The following OTC variants were observed in gnomAD, a reference collection of about 807,000 sequenced individuals.
OTC encodes the protein ornithine transcarbamylase, mitochondrial.
Under a neutral mutation model 30.3 loss-of-function variants are expected in OTC, and 3 were observed. That is an observed-to-expected ratio of 0.10 (90% CI 0.05 to 0.26). The LOEUF (loss-of-function observed/expected upper bound fraction) is 0.26, where lower values mean the gene tolerates loss of function less well. Ranked by LOEUF, OTC falls within the 10% of genes least tolerant of loss-of-function variation. OTC has a pLI of 1.00. For synonymous variants in OTC, 111 were observed against 99.7 expected, an observed-to-expected ratio of 1.11 and a Z score of -0.67; for missense variants, 194 against 260.3, an observed-to-expected ratio of 0.75 and a Z score of 1.75.
intron 9 of OTC, among the ~76,000 whole-genome samples, chrX:38,416,659 A>G (rs2068572261): frequency 8.9e-6 from 1 of 112,378 alleles, no homozygotes; most frequent in East Asian, 2.8e-4. Context: ...TTTTGGATAA[A>G]CAATGAATAA....
At chrX:38,417,888 T>C (rs1473073360) in intron 9 of OTC, among the ~76,000 whole-genome samples, 1 of 111,994 alleles carries the variant, frequency 8.9e-6, no homozygotes, top group Non-Finnish European at 1.9e-5. Context: ...ATTCATCCAT[T>C]GATGGACACT....
At chrX:38,382,433 G>A (rs919924184) in intron 4 of OTC, among the ~76,000 whole-genome samples, 6 of 112,211 alleles carry the variant, frequency 5.3e-5, no homozygotes, top group Non-Finnish European at 9.4e-5. Flanking sequence ...TGCAGATAAC[G>A]TCTGCTTTTT....
At chrX:38,333,231 A>T in the OTC span, among the ~76,000 whole-genome samples, 28 of 109,997 alleles carry the variant, frequency 2.5e-4, 1 homozygote, top group South Asian at 0.01. Context: ...AAAAAAAAAA[A>T]AAAGATATAA....
At chrX:38,411,260 AT>A (rs2068540313) in intron 8 of OTC, among the ~76,000 whole-genome samples, 2 of 109,757 alleles carry the variant, frequency 1.8e-5, no homozygotes, top group Non-Finnish European at 3.8e-5. Context: ...CACATATTAC[AT>A]TAGTAGAGTT....
intron 3 of OTC, among the ~76,000 whole-genome samples, chrX:38,376,803 T>C (rs1329477041): frequency 8.9e-6 from 1 of 112,056 alleles, no homozygotes; most frequent in Non-Finnish European, 1.9e-5. Flanking sequence ...AATAAATATA[T>C]ATGAACCCAA....
At chrX:38,368,146 A>C (rs2068306239) in intron 2 of OTC, among the ~76,000 whole-genome samples, 1 of 111,088 alleles carries the variant, frequency 9.0e-6, no homozygotes, top group South Asian at 3.8e-4. Flanking sequence ...AAATCACCTG[A>C]GGTCGGGAGT....
At chrX:38,396,629 C>T (rs1417151038) in intron 4 of OTC, among the ~76,000 whole-genome samples, 1 of 110,697 alleles carries the variant, frequency 9.0e-6, no homozygotes, top group South Asian at 3.9e-4. Flanking sequence ...AAAAATTAGC[C>T]GGGCGTAGTG....
chrX:38,346,614 C>T, the OTC span, among the ~76,000 whole-genome samples: 10,825 of 112,021 alleles, frequency 0.097, 549 homozygotes, highest in Non-Finnish European at 0.15. Context: ...TGGAATACTA[C>T]TCAACAATAA....
intron 9 of OTC, among the ~76,000 whole-genome samples, chrX:38,416,028 T>C (rs1035210508): frequency 8.9e-6 from 1 of 111,932 alleles, no homozygotes; most frequent in African/African-American, 3.2e-5. Context: ...TGGACAGCAC[T>C]ACTCTAGGGA....
intron 4 of OTC, among the ~76,000 whole-genome samples, chrX:38,386,128 AC>A (rs2068401491): frequency 9.5e-6 from 1 of 105,750 alleles, no homozygotes; most frequent in Non-Finnish European, 1.9e-5. Flanking sequence ...TAATCCCAGC[AC>A]CTTGGGAGGC....
chrX:38,367,390 A>G lies in OTC; in HGVS notation c.177A>G (p.Leu59=), dbSNP rs1569273170. 1 of 1,204,343 alleles carries G rather than the reference A, an allele frequency of 8.3e-7. No individual in the cohort carries two copies. Among genetic ancestry groups the G allele is most frequent in the Non-Finnish European group, 1.1e-6 (1 of 888,777 alleles). ...TGEEIKYMLW[L]SADLKFRIKQ... ...AAGAAATTAAATATATGCTATGGCT[A>G]TCAGCAGATCTGAAATTTAGGATAA... Residue 59 remains leucine (L), a synonymous_variant, in exon 2 of 10, where the codon CTA becomes CTG. Coordinates refer to ENST00000039007, the MANE Select transcript of OTC (RefSeq NM_000531.6).
intron 2 of OTC, among the ~76,000 whole-genome samples, chrX:38,368,452 T>A (rs891501862): frequency 2.7e-5 from 3 of 110,834 alleles, no homozygotes; most frequent in African/African-American, 9.9e-5. Flanking sequence ...TGTCAAAAAA[T>A]TCACAATGAT....
the OTC span, among the ~76,000 whole-genome samples, chrX:38,332,523 T>TATATATATATATATATATATATATAC: frequency 9.4e-4 from 81 of 86,357 alleles, no homozygotes; most frequent in African/African-American, 1.3e-3. Flanking sequence ...TATATATATA[T>TATATATATATATATATATATATATAC]ATATATATAT....
chrX:38,340,459 GTTTTTTTT>G, the OTC span, among the ~76,000 whole-genome samples: 1 of 60,519 alleles, frequency 1.7e-5, no homozygotes, highest in African/African-American at 6.5e-5. Flanking sequence ...TTGTTTTTTT[GTTTTTTTT>G]TTTTTGTTTT....
chrX:38,409,143 CACTG>C lies in OTC; in HGVS notation c.867+123_867+126del. 10 of 763,591 alleles carry C rather than the reference CACTG, an allele frequency of 1.3e-5. No individual in the cohort carries two copies. The South Asian group carries it at 2.1e-4, about 16-fold the overall frequency. The allele number at this position is 763,591 out of a possible 1,213,427, so 62.9% of individuals were successfully genotyped here. A position where few individuals can be genotyped will look rare whatever the true frequency, so the allele number is the denominator to read the frequency against. On this transcript the variant is annotated intron_variant, in intron 8 of 9. Transcript: ENST00000039007. ...TCCTTTCATTCCCTATAAAAGGACT[CACTG>C]ACTGTATCCCCTAGGGACTTCTCTC...
At chrX:38,350,021 T>A (rs1038955214), upstream of OTC, among the ~76,000 whole-genome samples, 1 of 111,460 alleles carries the variant, frequency 9.0e-6, no homozygotes, top group Admixed American at 9.5e-5. Flanking sequence ...TGTAGCTCCC[T>A]CCAGTTTTGA....
chrX:38,351,285 C>G (rs1236308275), upstream of OTC, among the ~76,000 whole-genome samples: 2 of 111,921 alleles, frequency 1.8e-5, no homozygotes, highest in African/African-American at 6.5e-5. Context: ...TTAAATAACA[C>G]TTTTTGGTAT....
the OTC span, among the ~76,000 whole-genome samples, chrX:38,343,829 A>T: frequency 4.8e-4 from 54 of 112,358 alleles, no homozygotes; most frequent in African/African-American, 1.7e-3. Context: ...TTTAGCCTTT[A>T]TGAAGGACCC....
At chrX:38,336,123 T>C in the OTC span, among the ~76,000 whole-genome samples, 29 of 111,311 alleles carry the variant, frequency 2.6e-4, no homozygotes, top group Non-Finnish European at 4.3e-4. Context: ...GGGGCAACCA[T>C]GAGGCATTGT....
Sources: allele counts gnomAD v4.1 joint callset (sites outside exome capture counted in the v4.1 genomes callset), GRCh38; gene constraint gnomAD v4.1.1; transcripts MANE v1.5; gene names NCBI Gene and HGNC (gene_info 2026-07-23, HGNC 2026-07-21).